SIPA1L1: variants seen among roughly 807,000 people sequenced by gnomAD.
SIPA1L1 encodes signal induced proliferation associated 1 like 1.
SIPA1L1 carries 26 observed loss-of-function variants against 162.7 expected under a neutral mutation model. The ratio of observed to expected loss-of-function variants is 0.16; its 90% CI spans 0.12 to 0.22. The LOEUF (loss-of-function observed/expected upper bound fraction) is 0.22. Ranked by LOEUF, SIPA1L1 falls within the 10% of genes least tolerant of loss-of-function variation. The pLI, the probability that SIPA1L1 is intolerant of heterozygous loss-of-function variation, is 1.00. For missense variants in SIPA1L1, 1,874 were observed against 2,241.0 expected, an observed-to-expected ratio of 0.84 and a Z score of 3.31; for synonymous variants, 829 against 837.4, an observed-to-expected ratio of 0.99 and a Z score of 0.17.
chr14:71,592,336 C>T (rs770739668), intron 5 of SIPA1L1, among the ~76,000 whole-genome samples: 4 of 152,054 alleles, frequency 2.6e-5, no homozygotes, highest in Admixed American at 6.6e-5. Flanking sequence ...ATAAACTGTA[C>T]ATTTTAAAAA....
intron 2 of SIPA1L1, chr14:71,503,938 G>A (rs2050446413): frequency 6.6e-6 from 1 of 151,998 alleles, no homozygotes; most frequent in African/African-American, 2.4e-5. Flanking sequence ...CAAGTAGCTG[G>A]GATTACAGGT....
Position 71,575,795 on chromosome 14 carries a change from C to T in SIPA1L1, c.-302-11776C>T, listed in dbSNP as rs570585880. ...TTTGCTCCTTTTTATGCCTGTTTTT[C>T]ATGCTCCTTTGATGAGTGGATTGGG... On this transcript the variant is annotated intron_variant, in intron 4 of 23. Coordinates refer to ENST00000381232, the MANE Select transcript of SIPA1L1 (RefSeq NM_001386936.1). Among the ~76,000 whole-genome samples the T allele has an allele frequency of 3.9e-5, 6 of 152,222 alleles. No individual in the cohort carries two copies. In the South Asian group the frequency reaches 1.0e-3, roughly 26 times the overall value.
At chr14:71,403,624 A>AT (rs2041836149) in intron 2 of SIPA1L1, among the ~76,000 whole-genome samples, 4 of 147,102 alleles carry the variant, frequency 2.7e-5, no homozygotes, top group African/African-American at 1.0e-4. Flanking sequence ...AAAAAAAAAA[A>AT]TCTTAATCAT....
At chr14:71,616,831 G>A (rs760936279) in intron 5 of SIPA1L1, among the ~76,000 whole-genome samples, 54 of 152,326 alleles carry the variant, frequency 3.5e-4, no homozygotes, top group Non-Finnish European at 5.7e-4. Context: ...GCTTGAGGAT[G>A]AGGATGAATT....
chr14:71,390,430 T>C (rs2040653716), intron 2 of SIPA1L1, among the ~76,000 whole-genome samples: 1 of 152,162 alleles, frequency 6.6e-6, no homozygotes, highest in Non-Finnish European at 1.5e-5. Context: ...CCCATGTACA[T>C]AGCTATTCTT....
intron 2 of SIPA1L1, among the ~76,000 whole-genome samples, chr14:71,333,925 A>G (rs182507586): frequency 3.3e-5 from 5 of 152,244 alleles, no homozygotes; most frequent in African/African-American, 4.8e-5. Context: ...ATATATCTCA[A>G]ATGGGGCTAA....
intron 17 of SIPA1L1, among the ~76,000 whole-genome samples, chr14:71,710,730 C>T (rs2082807928): frequency 6.6e-6 from 1 of 150,978 alleles, no homozygotes; most frequent in Non-Finnish European, 1.5e-5. Flanking sequence ...ATCGCTTGAA[C>T]CCAGGAGGCA....
At chr14:71,442,770 A>T (rs573608215) in intron 2 of SIPA1L1, among the ~76,000 whole-genome samples, 1 of 152,224 alleles carries the variant, frequency 6.6e-6, no homozygotes, top group Non-Finnish European at 1.5e-5. Context: ...TCTATAAAAA[A>T]AATAATAAAA....
Position 71,658,415 on chromosome 14 carries a change from C to T in SIPA1L1, c.2076C>T (p.Tyr692=), listed in dbSNP as rs1405281675. The part of the protein sequence containing the change: ...IMFHVSTMLP[Y]TPNNKQQLLR... ...TCCATGTTTCTACCATGCTGCCATA[C>T]ACACCCAACAACAAACAACAGGTAA... The change falls in exon 9 of 24, where the codon TAC becomes TAT. Residue 692 remains tyrosine (Y), a synonymous_variant. Transcript: ENST00000381232. 3 of 1,599,218 alleles carry T rather than the reference C, an allele frequency of 1.9e-6. No individual in the cohort carries two copies. Among genetic ancestry groups the T allele is most frequent in the East Asian group, 2.2e-5 (1 of 44,802 alleles).
intron 4 of SIPA1L1, among the ~76,000 whole-genome samples, chr14:71,548,816 T>C (rs2055493725): frequency 6.8e-6 from 1 of 146,620 alleles, no homozygotes; most frequent in Admixed American, 7.0e-5. Flanking sequence ...AAGAATCCCT[T>C]GAACCTGAGA....
chr14:71,695,508 A>G (rs963618516), intron 13 of SIPA1L1, among the ~76,000 whole-genome samples: 1 of 152,244 alleles, frequency 6.6e-6, no homozygotes. Flanking sequence ...CAGGGTAAGA[A>G]AAGCAGCCTC....
At chr14:71,693,722 C>CT (rs377621033) in intron 13 of SIPA1L1, among the ~76,000 whole-genome samples, 3,285 of 139,296 alleles carry the variant, frequency 0.024, 48 homozygotes, top group Middle Eastern at 0.065. Flanking sequence ...TTTTTCTTTT[C>CT]TTTTTTTTTT....
intron 2 of SIPA1L1, among the ~76,000 whole-genome samples, chr14:71,365,813 C>T (rs2038232348): frequency 6.6e-6 from 1 of 151,618 alleles, no homozygotes; most frequent in African/African-American, 2.4e-5. Flanking sequence ...GCAACCTCTA[C>T]CTCCCTGGCT....
chr14:71,563,143 A>C (rs2056927088), intron 4 of SIPA1L1, among the ~76,000 whole-genome samples: 1 of 152,104 alleles, frequency 6.6e-6, no homozygotes, highest in Non-Finnish European at 1.5e-5. Context: ...TTGTCTAATT[A>C]TTGTGATTCG....
rs1214333290 is a variant in SIPA1L1, at chr14:71,740,859, T to A, written c.*1698T>A. ...TCTCTTTGTAAATGAGAAATATTGC[T>A]AACATCCAAGCATTCTGAAGTCTTG... On this transcript the variant is annotated 3_prime_UTR_variant, in exon 24 of 24. Transcript: ENST00000381232. The A allele has an allele frequency of 6.6e-6, 1 of 152,230 alleles. No homozygotes were observed. The highest frequency in any genetic ancestry group is 1.5e-5 in the Non-Finnish European group (1 of 68,046). 9.4% of individuals were successfully genotyped at this position (152,230 alleles called of 1,614,324 possible). A position where few individuals can be genotyped will look rare whatever the true frequency, so the allele number is the denominator to read the frequency against.
chr14:71,351,123 G>T lies in SIPA1L1; in HGVS notation c.-465+29942G>T, dbSNP rs536010857. On this transcript the variant is annotated intron_variant, in intron 2 of 23. Coordinates refer to ENST00000381232, the MANE Select transcript of SIPA1L1 (RefSeq NM_001386936.1). ...ATAAAATTTCAAAGAGGTGAAATTG[G>T]TTGTAGGGGTTGTGGGGGCAGAAAT... Among the ~76,000 whole-genome samples the T allele has an allele frequency of 4.6e-5, 7 of 152,320 alleles. No individual in the cohort carries two copies. In the South Asian group the frequency reaches 1.4e-3, roughly 32 times the overall value.
chr14:71,664,900 T>G (rs1390632516), intron 10 of SIPA1L1, among the ~76,000 whole-genome samples: 1 of 152,106 alleles, frequency 6.6e-6, no homozygotes, highest in East Asian at 1.9e-4. Context: ...TGTTAAAGCA[T>G]AGCTGGATGG....
At chr14:71,623,135 G>T (rs986512073) in intron 6 of SIPA1L1, among the ~76,000 whole-genome samples, 3 of 152,130 alleles carry the variant, frequency 2.0e-5, no homozygotes, top group Non-Finnish European at 2.9e-5. Flanking sequence ...TCCTGACCTT[G>T]TTATACTTTG....
At position 71,739,089 on chromosome 14, in the gene SIPA1L1, G is replaced by T; in HGVS notation, c.5280G>T (p.Glu1760Asp). 2.5e-6 allele frequency: 4 copies of T among 1,614,080 alleles called. No individual in the cohort carries two copies. Among genetic ancestry groups the T allele is most frequent in the Non-Finnish European group, 3.4e-6 (4 of 1,179,974 alleles). Residue 1760 changes from glutamate (E) to aspartate (D), a missense_variant, in exon 24 of 24, where the codon GAG (glutamate) becomes GAT (aspartate). Coordinates refer to ENST00000381232, the MANE Select transcript of SIPA1L1 (RefSeq NM_001386936.1). ...GAGAGGACAACCTGAGGCTACAGGA[G>T]GAGTCCCAGAACGCCTCGGACAAGC... ...HLREDNLRLQ[E>D]ESQNASDKLK...
Sources: allele counts gnomAD v4.1 joint callset (sites outside exome capture counted in the v4.1 genomes callset), GRCh38; gene constraint gnomAD v4.1.1; transcripts MANE v1.5; gene names NCBI Gene and HGNC (gene_info 2026-07-23, HGNC 2026-07-21).